The following MCC variants were observed in gnomAD, a reference collection of about 807,000 sequenced individuals.
MCC encodes the protein colorectal mutant cancer protein.
A neutral mutation model predicts 116.2 loss-of-function variants in MCC; 90 were observed. That is an observed-to-expected ratio of 0.77 (90% CI 0.65 to 0.92). MCC has a LOEUF of 0.92. MCC is among the 40% of genes least tolerant of loss of function. MCC has a pLI of 0.00. For missense variants in MCC, 1,516 were observed against 1,312.2 expected (o/e 1.16, Z -2.40); for synonymous variants, 578 against 510.5 (o/e 1.13, Z -1.78).
chr5:113,077,439 A>C (rs145044333), intron 11 of MCC, among the ~76,000 whole-genome samples: 172 of 152,370 alleles, frequency 1.1e-3, no homozygotes, highest in African/African-American at 4.0e-3. Flanking sequence ...AAAAGAATAG[A>C]AATTATAACA....
intron 2 of MCC, among the ~76,000 whole-genome samples, chr5:113,350,090 C>T (rs1244433380): frequency 2.0e-5 from 3 of 151,932 alleles, no homozygotes; most frequent in Non-Finnish European, 2.9e-5. Context: ...ACTGGAAGAA[C>T]CAATATTGTT....
chr5:113,197,373 A>G (rs1218447115), intron 3 of MCC, among the ~76,000 whole-genome samples: 2 of 152,054 alleles, frequency 1.3e-5, no homozygotes, highest in Non-Finnish European at 1.5e-5. Flanking sequence ...AAGAATGGCT[A>G]CCTATGGTTA....
intron 2 of MCC, among the ~76,000 whole-genome samples, chr5:113,344,568 G>A (rs1378348062): frequency 6.6e-6 from 1 of 151,552 alleles, no homozygotes; most frequent in African/African-American, 2.4e-5. Flanking sequence ...GAGTAAAGAG[G>A]ATTTGGTTTT....
intron 3 of MCC, among the ~76,000 whole-genome samples, chr5:113,182,836 G>T (rs183495501): frequency 3.9e-4 from 59 of 152,336 alleles, no homozygotes; most frequent in Middle Eastern, 3.4e-3. Context: ...AATCCAGATG[G>T]CGGGAAGGTA....
chr5:113,301,187 C>T (rs756237491), intron 3 of MCC, among the ~76,000 whole-genome samples: 10 of 152,156 alleles, frequency 6.6e-5, no homozygotes, highest in Non-Finnish European at 1.3e-4. Flanking sequence ...AGTTACAGGC[C>T]GGGCATGGTG....
Position 113,043,599 on chromosome 5 carries a change from G to A in MCC, c.2687C>T (p.Ser896Phe). Reference protein sequence around the residue: ...ECADAASPALSLAELRTTCSE... With the variant: ...ECADAASPALFLAELRTTCSE... The stretch of plus-strand genomic sequence containing the variant: ...GCACGTTGTCCTGAGTTCGGCTAGG[G>A]ACAGAGCTGGGGAGGCAGCATCAGC... Residue 896 changes from serine to phenylalanine, a missense_variant, in exon 17 of 19, where the codon TCC (serine) becomes TTC (phenylalanine). Transcript: ENST00000408903. 1 of 1,614,136 alleles carries A rather than the reference G, an allele frequency of 6.2e-7. No homozygotes were observed. The highest frequency in any genetic ancestry group is 1.1e-5 in the South Asian group (1 of 91,068).
At chr5:113,374,525 G>C (rs186661820) in intron 2 of MCC, among the ~76,000 whole-genome samples, 2 of 152,244 alleles carry the variant, frequency 1.3e-5, no homozygotes, top group Admixed American at 1.3e-4. Flanking sequence ...GAGTCTAGGG[G>C]ACAGACCGAC....
chr5:113,333,846 T>TATATGTATATATGTACATATGTAC (rs1767793760), intron 3 of MCC, among the ~76,000 whole-genome samples: 4 of 62,638 alleles, frequency 6.4e-5, no homozygotes, highest in African/African-American at 2.8e-4. Context: ...TATATATGTA[T>TATATGTATATATGTACATATGTAC]ATATGTACAT....
At chr5:113,082,120 G>C (rs1326478677) in intron 11 of MCC, among the ~76,000 whole-genome samples, 2 of 152,148 alleles carry the variant, frequency 1.3e-5, no homozygotes, top group Non-Finnish European at 2.9e-5. Context: ...CTCATCACTG[G>C]CATGACACAT....
At chr5:113,416,595 TA>T (rs1283589991) in intron 1 of MCC, among the ~76,000 whole-genome samples, 2 of 152,194 alleles carry the variant, frequency 1.3e-5, no homozygotes, top group Admixed American at 1.3e-4. Flanking sequence ...CATGTATATG[TA>T]TACACATACG....
chr5:113,140,916 G>C (rs1324135383), intron 5 of MCC, among the ~76,000 whole-genome samples: 1 of 152,128 alleles, frequency 6.6e-6, no homozygotes, highest in Non-Finnish European at 1.5e-5. Flanking sequence ...GTTAATTTTA[G>C]GTGTCAACTT....
At chr5:113,204,166 G>C (rs571562032) in intron 3 of MCC, among the ~76,000 whole-genome samples, 6 of 152,132 alleles carry the variant, frequency 3.9e-5, no homozygotes, top group Non-Finnish European at 7.3e-5. Context: ...TGGTCTTGAC[G>C]GTTTGCAAGA....
intron 15 of MCC, among the ~76,000 whole-genome samples, chr5:113,050,625 G>A (rs557979134): frequency 1.3e-4 from 20 of 152,326 alleles, no homozygotes; most frequent in Non-Finnish European, 1.0e-4. Context: ...CAGAGCCTTC[G>A]GATCTTTTGC....
At position 113,454,737 on chromosome 5, in the gene MCC, T is replaced by C. The variant is rs1413011067; in HGVS notation, c.170+33508A>G. Among the ~76,000 whole-genome samples, 4 of 152,322 alleles carry C rather than the reference T, an allele frequency of 2.6e-5. No individual in the cohort carries two copies. In the South Asian group the frequency reaches 8.3e-4, roughly 32 times the overall value. On this transcript the variant is annotated intron_variant, in intron 1 of 18. Coordinates refer to ENST00000408903, the MANE Select transcript of MCC (RefSeq NM_001085377.2). ...ATAAAATTTATTAGTAGAAAAATCA[T>C]ATTATATATGGAGGGGAAAATCAAT...
chr5:113,059,823 T>TGGTTCGGGAC (rs1220235609), intron 14 of MCC, among the ~76,000 whole-genome samples: 1 of 152,224 alleles, frequency 6.6e-6, no homozygotes, highest in Non-Finnish European at 1.5e-5. Context: ...CGGGGCTGGC[T>TGGTTCGGGAC]GGTTCGGGAC....
rs557057737 is a variant in MCC at position 113,488,323 on chromosome 5, G to C, written c.92C>G (p.Thr31Arg). 6.5e-7 allele frequency: 1 copy of C among 1,548,128 alleles called. No homozygotes were observed. Among genetic ancestry groups the C allele is most frequent in the Non-Finnish European group, 8.7e-7 (1 of 1,149,018 alleles). Residue 31 changes from threonine (T) to arginine (R), a missense_variant, in exon 1 of 19, where the codon ACG becomes AGG. Coordinates refer to ENST00000408903, the MANE Select transcript of MCC (RefSeq NM_001085377.2). ...CCTCTCCTCCTCGCCGGTGCTGGAC[G>C]TGTCGCTGCTGCTGCTGCTGCTGCC... ...GSGSSSSSSD[T>R]SSTGEEERMR...
chr5:113,359,191 G>A (rs556633781), intron 2 of MCC, among the ~76,000 whole-genome samples: 3 of 152,096 alleles, frequency 2.0e-5, no homozygotes, highest in African/African-American at 7.2e-5. Context: ...GCCAATGCAC[G>A]GAATTTCAAT....
At chr5:113,476,881 GT>G (rs1473780644) in intron 1 of MCC, among the ~76,000 whole-genome samples, 2 of 152,260 alleles carry the variant, frequency 1.3e-5, no homozygotes, top group East Asian at 3.9e-4. Context: ...CTTTAAATGG[GT>G]TAATTATGTA....
At chr5:113,402,616 G>A (rs1769723414) in intron 1 of MCC, among the ~76,000 whole-genome samples, 1 of 151,972 alleles carries the variant, frequency 6.6e-6, no homozygotes, top group Non-Finnish European at 1.5e-5. Context: ...CTTTTTTAAG[G>A]GTTAAAAAAT....
Sources: allele counts gnomAD v4.1 joint callset (sites outside exome capture counted in the v4.1 genomes callset), GRCh38; gene constraint gnomAD v4.1.1; transcripts MANE v1.5; gene names NCBI Gene and HGNC (gene_info 2026-07-23, HGNC 2026-07-21).